PRPF18: variants seen among roughly 807,000 people sequenced by gnomAD.
PRPF18 encodes pre-mRNA-splicing factor 18.
In PRPF18, 38 loss-of-function variants were observed where a neutral mutation model predicts 46.5. The ratio of observed to expected loss-of-function variants is 0.82; its 90% CI spans 0.63 to 1.07. The LOEUF is 1.07. Among genes scored for constraint, PRPF18 ranks in the 50% least tolerant of loss-of-function variants. PRPF18 has a pLI of 0.00. For missense variants in PRPF18, 263 were observed against 410.0 expected (o/e 0.64, Z 3.10); for synonymous variants, 152 against 146.7 (o/e 1.04, Z -0.26).
intron 9 of PRPF18, among the ~76,000 whole-genome samples, chr10:13,628,664 A>G (rs570523909): frequency 6.6e-6 from 1 of 152,310 alleles, no homozygotes; most frequent in East Asian, 1.9e-4. Flanking sequence ...TTGTCTGCTT[A>G]CTATGGGACC....
chr10:13,604,450 G>A (rs747336112), intron 3 of PRPF18, among the ~76,000 whole-genome samples: 13 of 152,176 alleles, frequency 8.5e-5, no homozygotes, highest in Non-Finnish European at 1.9e-4. Flanking sequence ...AAATATTCAT[G>A]TAACCATCAC....
chr10:13,642,341 G>C, the PRPF18 span: 1 of 152,296 alleles, frequency 6.6e-6, no homozygotes, highest in African/African-American at 2.4e-5. Flanking sequence ...TGACTTTGTT[G>C]GAGACCCATT....
chr10:13,591,879 G>T, intron 1 of PRPF18: 1 of 1,421,626 alleles, frequency 7.0e-7, no homozygotes, highest in African/African-American at 1.4e-5. Flanking sequence ...TGATCAGAAC[G>T]TTCCCCGGGG....
At chr10:13,591,925 A>AG (rs202033552) in intron 1 of PRPF18, 22,123 of 978,472 alleles carry the variant, frequency 0.023, 34 homozygotes, top group East Asian at 0.071. Context: ...GTGTCAACTG[A>AG]GGGTTTTTTT....
chr10:13,653,147 C>G, the PRPF18 span: 1 of 151,920 alleles, frequency 6.6e-6, no homozygotes, highest in African/African-American at 2.4e-5. Context: ...AGCAAGCACT[C>G]AGTAAGTGTT....
chr10:13,592,452 C>T, intron 1 of PRPF18: 2 of 185,708 alleles, frequency 1.1e-5, no homozygotes, highest in South Asian at 1.4e-4. Context: ...GTTGCTCTTG[C>T]AGAAAGAAGA....
In PRPF18 at chr10:13,587,070, T is replaced by G. The variant is rs1453709474; in HGVS notation, c.-17T>G. On this transcript the variant is annotated 5_prime_UTR_variant, in exon 1 of 10. Transcript: ENST00000378572. Reference sequence around the variant, plus strand: ...GGAGCTGGAGCGGGAAACTGGAGCTTAAATTCTGGCGGCGAGATGGACATT... The same window carrying G: ...GGAGCTGGAGCGGGAAACTGGAGCTGAAATTCTGGCGGCGAGATGGACATT... 6.2e-7 allele frequency: 1 copy of G among 1,613,810 alleles called. No homozygotes were observed. Among genetic ancestry groups the G allele is most frequent in the Admixed American group, 1.7e-5 (1 of 60,016 alleles).
In PRPF18 at chr10:13,630,404, A is replaced by G; in HGVS notation, c.*64A>G. The G allele has an allele frequency of 1.5e-6, 2 of 1,320,054 alleles. No homozygotes were observed. Among genetic ancestry groups the G allele is most frequent in the Non-Finnish European group, 2.2e-6 (2 of 929,748 alleles). 81.8% of individuals were successfully genotyped at this position (1,320,054 alleles called of 1,614,324 possible). On this transcript the variant is annotated 3_prime_UTR_variant, in exon 10 of 10. Transcript: ENST00000378572. ...GGGAAGCAGGCTGTGGACTTCTGGA[A>G]TTACCAACAGGAATGAGGAAAGAAG...
the PRPF18 span, chr10:13,648,067 A>G: frequency 1.3e-5 from 2 of 152,252 alleles, no homozygotes; most frequent in South Asian, 4.1e-4. Flanking sequence ...TTTCTATTTC[A>G]TTTGCTAACC....
the PRPF18 span, chr10:13,654,817 C>T: frequency 2.2e-6 from 1 of 446,038 alleles, no homozygotes; most frequent in East Asian, 3.8e-5. Context: ...AGGAGGTAGG[C>T]ATAGGGATGG....
intron 4 of PRPF18, among the ~76,000 whole-genome samples, chr10:13,609,149 G>T (rs927184331): frequency 6.6e-6 from 1 of 152,202 alleles, no homozygotes; most frequent in Non-Finnish European, 1.5e-5. Flanking sequence ...AATGTGCACC[G>T]TGCTCCAGTA....
chr10:13,628,071 G>C (rs745462743), intron 9 of PRPF18, among the ~76,000 whole-genome samples: 9 of 152,158 alleles, frequency 5.9e-5, no homozygotes, highest in Admixed American at 3.9e-4. Flanking sequence ...AGGATAAGCT[G>C]GACTATGTGA....
At chr10:13,636,383 C>T in the PRPF18 span, among the ~76,000 whole-genome samples, 18 of 152,236 alleles carry the variant, frequency 1.2e-4, 1 homozygote, top group African/African-American at 3.6e-4. Context: ...CACACTGCTG[C>T]GTTCCAGCCT....
chr10:13,642,106 C>T, the PRPF18 span: 77 of 152,332 alleles, frequency 5.1e-4, no homozygotes, highest in African/African-American at 1.8e-3. Flanking sequence ...AAGGTTATAC[C>T]TCTGCAGCTC....
chr10:13,614,090 C>T lies in PRPF18; in HGVS notation c.792+4C>T, dbSNP rs2080306966. On this transcript the variant is annotated splice_donor_region_variant and intron_variant, in intron 8 of 9. Transcript: ENST00000378572. ...GTTGCAGAGAGAATACGTGAAGGTA[C>T]ATTCCCATGCTGTTCTTTGAAATTG... The T allele has an allele frequency of 2.6e-6, 4 of 1,555,572 alleles. No homozygotes were observed. The highest frequency in any genetic ancestry group is 1.4e-5 in the African/African-American group (1 of 72,862).
intron 1 of PRPF18, among the ~76,000 whole-genome samples, chr10:13,596,544 C>T (rs1589119344): frequency 6.6e-6 from 1 of 152,142 alleles, no homozygotes; most frequent in East Asian, 1.9e-4. Context: ...ACTGTTAATA[C>T]AGTCGGGGAC....
intron 9 of PRPF18, among the ~76,000 whole-genome samples, chr10:13,623,045 C>A (rs1432556263): frequency 1.3e-5 from 2 of 151,820 alleles, no homozygotes; most frequent in Admixed American, 6.6e-5. Flanking sequence ...AAAAAAAATA[C>A]AAAAAATTAG....
rs1452090019 is a variant in PRPF18, at chr10:13,597,447, T to G, written c.67-11T>G. 2 of 1,558,362 alleles carry G rather than the reference T, an allele frequency of 1.3e-6. No individual in the cohort carries two copies. The highest frequency in any genetic ancestry group is 2.4e-5 in the South Asian group (2 of 84,382). On this transcript the variant is annotated splice_polypyrimidine_tract_variant and intron_variant, in intron 1 of 9. Transcript: ENST00000378572. ...GGATATATTATTGACATAATTTATT[T>G]TCTTTAATAGGAAAATAAAAAATAT...
Position 13,600,235 on chromosome 10 carries a change from T to C in PRPF18, c.145-9T>C, listed in dbSNP as rs2080086512. The C allele has an allele frequency of 1.3e-6, 2 of 1,582,388 alleles. No individual in the cohort carries two copies. The highest frequency in any genetic ancestry group is 8.6e-7 in the Non-Finnish European group (1 of 1,160,964). On this transcript the variant is annotated splice_polypyrimidine_tract_variant and intron_variant, in intron 2 of 9. Coordinates refer to ENST00000378572, the MANE Select transcript of PRPF18 (RefSeq NM_003675.4). ...AGCTGAATTTCATTTCTTTTGGCTATTAATATAGATACAGCCAAAAGAGGA... is the reference window on the plus strand; with the variant it reads ...AGCTGAATTTCATTTCTTTTGGCTACTAATATAGATACAGCCAAAAGAGGA...
Sources: gnomAD v4.1 joint callset for allele counts (sites outside exome capture counted in the v4.1 genomes callset) on GRCh38, gnomAD v4.1.1 for gene constraint, MANE v1.5 for transcripts, NCBI Gene and HGNC (gene_info 2026-07-23, HGNC 2026-07-21) for gene names.